The following PPP1R36 variants were observed in gnomAD, a reference collection of about 807,000 sequenced individuals.
PPP1R36 encodes the protein protein phosphatase 1 regulatory subunit 36.
PPP1R36 carries 47 observed loss-of-function variants against 53.4 expected under a neutral mutation model. That is an observed-to-expected ratio of 0.88 (90% CI 0.70 to 1.12). The LOEUF is 1.12. Among genes scored for constraint, PPP1R36 ranks in the 50% most tolerant of loss-of-function variants. The pLI, the probability that PPP1R36 is intolerant of heterozygous loss-of-function variation, is 0.00. For synonymous variants in PPP1R36, 153 were observed against 170.5 expected, an observed-to-expected ratio of 0.90 and a Z score of 0.80; for missense variants, 456 against 513.9, an observed-to-expected ratio of 0.89 and a Z score of 1.09.
intron 3 of PPP1R36, among the ~76,000 whole-genome samples, chr14:64,561,065 A>C (rs142720583): frequency 5.3e-5 from 8 of 152,180 alleles, no homozygotes; most frequent in African/African-American, 9.7e-5. Flanking sequence ...TCCTGAATCC[A>C]GACAATCTGT....
At chr14:64,568,808 T>C (rs1397501280) in intron 7 of PPP1R36, among the ~76,000 whole-genome samples, 1 of 152,184 alleles carries the variant, frequency 6.6e-6, no homozygotes, top group Admixed American at 6.6e-5. Context: ...CATGCAACAG[T>C]AGTTGATATA....
rs1467734762 is a variant in PPP1R36, at chr14:64,568,388, C to A, written c.474C>A (p.Tyr158Ter). The A allele has an allele frequency of 4.5e-6, 7 of 1,562,556 alleles. No individual in the cohort carries two copies. Among genetic ancestry groups the A allele is most frequent in the Non-Finnish European group, 6.1e-6 (7 of 1,148,278 alleles). The change falls in exon 7 of 12, where the codon TAC becomes TAA. Residue 158 changes from tyrosine (Y) to a stop codon, truncating the protein, a stop_gained. Transcript: ENST00000298705. LOFTEE classifies it high-confidence loss of function. The part of the protein sequence containing the change: ...NLDNFLMALL[Y>*]YLSHYLEKNS... The stretch of plus-strand genomic sequence containing the variant: ...ATAATTTCCTCATGGCATTATTGTA[C>A]TACTTATCCCATTACTTGGAAAAAA...
At chr14:64,581,327 A>G (rs1162881355) in intron 8 of PPP1R36, among the ~76,000 whole-genome samples, 2 of 152,170 alleles carry the variant, frequency 1.3e-5, no homozygotes, top group East Asian at 3.8e-4. Context: ...TCTCAGGAAG[A>G]ACTTTAGAAC....
chr14:64,565,597 T>A, intron 5 of PPP1R36, 29 bp from the exon 6 acceptor site: 1 of 1,593,924 alleles, frequency 6.3e-7, no homozygotes, highest in South Asian at 1.1e-5. Context: ...TCTTTGTCCC[T>A]CTCTCAATTG....
chr14:64,588,448 T>C (rs1363719910), intron 11 of PPP1R36, 153 bp downstream of exon 11: 1 of 602,150 alleles, frequency 1.7e-6, no homozygotes, highest in Non-Finnish European at 2.8e-6. Context: ...CCCCTCCTAG[T>C]TTCCTTTCTA....
At chr14:64,557,877 CAGGCGCCTGT>C (rs1271616402) in intron 3 of PPP1R36, among the ~76,000 whole-genome samples, 1 of 152,146 alleles carries the variant, frequency 6.6e-6, no homozygotes, top group African/African-American at 2.4e-5. Flanking sequence ...GGTGCAGTGG[CAGGCGCCTGT>C]AATCCCAGCT....
rs759384336 is a variant in PPP1R36, at chr14:64,564,829, T to G, written c.261T>G (p.Ala87=). The G allele has an allele frequency of 6.2e-7, 1 of 1,601,574 alleles. No individual in the cohort carries two copies. The highest frequency in any genetic ancestry group is 8.5e-7 in the Non-Finnish European group (1 of 1,174,494). ...AVHFAETDGP[A]SDRLTDKRLA... is the part of the protein sequence containing the mutation. ...ACTTTGCAGAAACTGATGGTCCAGC[T>G]TCAGACAGGTAGATTAACTTCCCAA... Residue 87 remains alanine (A), a synonymous_variant, in exon 4 of 12, where the codon GCT becomes GCG. Coordinates refer to ENST00000298705, the MANE Select transcript of PPP1R36 (RefSeq NM_172365.3).
chr14:64,589,091 C>A lies in PPP1R36; in HGVS notation c.1083-61C>A, dbSNP rs1432378746. On this transcript the variant is annotated intron_variant, in intron 11 of 11. Coordinates refer to ENST00000298705, the MANE Select transcript of PPP1R36 (RefSeq NM_172365.3). ...ATACACACAACCACAATCACAGTCT[C>A]AACCCTGCACGTCAGTCTTTGGCCT... The A allele has an allele frequency of 2.3e-5, 30 of 1,280,048 alleles. No homozygotes were observed. The Admixed American group carries it at 5.5e-4, about 23-fold the overall frequency. 79.3% of individuals were successfully genotyped at this position (1,280,048 alleles called of 1,614,324 possible). A position where few individuals can be genotyped will look rare whatever the true frequency, so the allele number is the denominator to read the frequency against.
At chr14:64,567,088 A>G (rs1250964437) in intron 6 of PPP1R36, among the ~76,000 whole-genome samples, 1 of 152,260 alleles carries the variant, frequency 6.6e-6, no homozygotes, top group Non-Finnish European at 1.5e-5. Context: ...GGGGGAACCC[A>G]GCCTGAGACA....
chr14:64,560,103 C>CAAAAAAAAAAAAAAA lies in PPP1R36; in HGVS notation c.183-4632_183-4618dup, dbSNP rs1171697200. Reference sequence around the variant, plus strand: ...TGGGCAACAAAACTAGAATCTGTCACAAAAAAAAAAAAAAAAAAAAAAAAA... The same window carrying CAAAAAAAAAAAAAAA: ...TGGGCAACAAAACTAGAATCTGTCACAAAAAAAAAAAAAAAAAAAAAAAAAAAAAAAAAAAAAAAA... On this transcript the variant is annotated intron_variant, in intron 3 of 11. Coordinates refer to ENST00000298705, the MANE Select transcript of PPP1R36 (RefSeq NM_172365.3). 1.1e-4 allele frequency among the ~76,000 whole-genome samples: 3 copies of CAAAAAAAAAAAAAAA among 27,446 alleles called. 1 individual carries two copies. The highest frequency in any genetic ancestry group is 2.2e-4 in the Non-Finnish European group (3 of 13,774). 18.0% of individuals were successfully genotyped at this position (27,446 alleles called of 152,430 possible). A position where few individuals can be genotyped will look rare whatever the true frequency, so the allele number is the denominator to read the frequency against.
At chr14:64,569,221 C>T (rs2080284102) in intron 7 of PPP1R36, among the ~76,000 whole-genome samples, 1 of 152,128 alleles carries the variant, frequency 6.6e-6, no homozygotes, top group African/African-American at 2.4e-5. Context: ...TGCCTCTCAG[C>T]CTTGGTGACC....
intron 6 of PPP1R36, among the ~76,000 whole-genome samples, chr14:64,566,473 AC>A (rs1385497469): frequency 3.3e-5 from 5 of 151,602 alleles, no homozygotes; most frequent in Non-Finnish European, 5.9e-5. Context: ...ATACCCATTT[AC>A]TGAAGATCAC....
chr14:64,583,264 TTAAGTA>T (rs1301799112), intron 8 of PPP1R36, among the ~76,000 whole-genome samples: 2 of 151,736 alleles, frequency 1.3e-5, no homozygotes, highest in Non-Finnish European at 2.9e-5. Context: ...TCAATTTATT[TTAAGTA>T]TATGTACTTA....
chr14:64,563,168 A>G (rs912154784), intron 3 of PPP1R36, among the ~76,000 whole-genome samples: 5 of 151,902 alleles, frequency 3.3e-5, no homozygotes, highest in Non-Finnish European at 7.4e-5. Context: ...GCCCGGCCTC[A>G]CTTTTTTATT....
chr14:64,568,264 G>A, intron 6 of PPP1R36, 85 bp from the exon 7 acceptor site: 1 of 530,016 alleles, frequency 1.9e-6, no homozygotes. Context: ...CTTGTGTTGT[G>A]TGCTCATATA....
intron 10 of PPP1R36, 138 bp from the exon 11 acceptor site, chr14:64,587,966 A>C (rs1305518040): frequency 1.3e-6 from 1 of 799,822 alleles, no homozygotes; most frequent in Non-Finnish European, 1.9e-6. Context: ...CTGGTCTCGA[A>C]CTCCTGGGCT....
At chr14:64,550,839 A>G (rs1291489782) in intron 1 of PPP1R36, 82 bp from the exon 2 acceptor site, 6 of 1,021,908 alleles carry the variant, frequency 5.9e-6, no homozygotes, top group Non-Finnish European at 8.8e-6. Flanking sequence ...GTAAGTAGGA[A>G]TTATTGTTAA....
intron 2 of PPP1R36, 65 bp downstream of exon 2, chr14:64,551,050 G>T (rs760309664): frequency 6.1e-5 from 66 of 1,082,524 alleles, no homozygotes; most frequent in Non-Finnish European, 8.8e-5. Context: ...GGAAAAAAAA[G>T]CAACAGAAGA....
At chr14:64,582,283 T>C (rs934138601) in intron 8 of PPP1R36, among the ~76,000 whole-genome samples, 2 of 152,160 alleles carry the variant, frequency 1.3e-5, no homozygotes, top group African/African-American at 4.8e-5. Flanking sequence ...GGAGCACAAC[T>C]TTTTTTCTCC....
Sources: allele counts gnomAD v4.1 joint callset (sites outside exome capture counted in the v4.1 genomes callset), GRCh38; gene constraint gnomAD v4.1.1; transcripts MANE v1.5; gene names NCBI Gene and HGNC (gene_info 2026-07-23, HGNC 2026-07-21).